ITPK1: variants seen among roughly 807,000 people sequenced by gnomAD.
ITPK1 encodes the protein inositol-tetrakisphosphate 1-kinase, also known as inositol 1,3,4-trisphosphate 5/6-kinase.
A neutral mutation model predicts 45.3 loss-of-function variants in ITPK1; 21 were observed. The ratio of observed to expected loss-of-function variants is 0.46; its 90% confidence interval spans 0.33 to 0.67. The LOEUF is 0.67. ITPK1 is among the 30% of genes least tolerant of loss of function. The pLI is 0.02. For missense variants in ITPK1, 474 were observed against 573.5 expected (o/e 0.83, Z 1.77); for synonymous variants, 258 against 253.6 (o/e 1.02, Z -0.16).
At chr14:93,030,606 C>G (rs576750435) in intron 3 of ITPK1, among the ~76,000 whole-genome samples, 1 of 152,070 alleles carries the variant, frequency 6.6e-6, no homozygotes, top group Non-Finnish European at 1.5e-5. Context: ...AACAAACAAG[C>G]AAAGGAAGCG....
chr14:93,093,215 C>T (rs1470200623), intron 2 of ITPK1, among the ~76,000 whole-genome samples: 1 of 152,210 alleles, frequency 6.6e-6, no homozygotes, highest in Non-Finnish European at 1.5e-5. Context: ...CCTACATGGA[C>T]ACGGCAGAAA....
chr14:92,994,053 C>T, intron 4 of ITPK1, 56 bp from the exon 5 acceptor site: 1 of 1,126,868 alleles, frequency 8.9e-7, no homozygotes, highest in South Asian at 1.2e-5. Context: ...GGTAGCAACT[C>T]ACCCCTCGCG....
At chr14:93,080,958 AC>A (rs1189220648) in intron 2 of ITPK1, among the ~76,000 whole-genome samples, 2 of 149,746 alleles carry the variant, frequency 1.3e-5, no homozygotes, top group African/African-American at 4.9e-5. Flanking sequence ...CTGGTCTTGA[AC>A]TCCTGACCTC....
chr14:93,075,573 A>T (rs1360177136), intron 3 of ITPK1, among the ~76,000 whole-genome samples: 1 of 152,122 alleles, frequency 6.6e-6, no homozygotes. Flanking sequence ...AACCAGCCCC[A>T]GTCTGGTCCC....
intron 10 of ITPK1, among the ~76,000 whole-genome samples, chr14:92,944,435 C>G (rs1887582715): frequency 6.6e-6 from 1 of 152,120 alleles, no homozygotes; most frequent in Non-Finnish European, 1.5e-5. Context: ...AAGAACCCTC[C>G]CTGTCCACAC....
chr14:92,949,881 A>C (rs1253006621), intron 9 of ITPK1, among the ~76,000 whole-genome samples: 5 of 152,186 alleles, frequency 3.3e-5, no homozygotes, highest in African/African-American at 1.2e-4. Flanking sequence ...TCTGGAAAGC[A>C]AGGAGGTGAC....
chr14:93,089,457 C>G (rs994280055), intron 2 of ITPK1, among the ~76,000 whole-genome samples: 11 of 152,134 alleles, frequency 7.2e-5, no homozygotes, highest in Admixed American at 7.2e-4. Flanking sequence ...CATAGGAAGG[C>G]AGTCAAGAGG....
chr14:93,100,397 A>C (rs1185770554), intron 2 of ITPK1, among the ~76,000 whole-genome samples: 4 of 152,172 alleles, frequency 2.6e-5, no homozygotes, highest in Non-Finnish European at 4.4e-5. Context: ...AAATGAGATC[A>C]CACACCTAAG....
chr14:93,064,019 C>T (rs916086165), intron 3 of ITPK1, among the ~76,000 whole-genome samples: 28 of 149,772 alleles, frequency 1.9e-4, no homozygotes, highest in Non-Finnish European at 5.9e-5. Flanking sequence ...CATGGTGGCT[C>T]ACACCTGTAA....
At chr14:93,108,630 C>G (rs1892617365) in intron 2 of ITPK1, among the ~76,000 whole-genome samples, 1 of 152,270 alleles carries the variant, frequency 6.6e-6, no homozygotes, top group South Asian at 2.1e-4. Flanking sequence ...TGTCCCGGCC[C>G]TGAGCGCAGG....
chr14:92,950,932 G>A (rs754942965), intron 9 of ITPK1, among the ~76,000 whole-genome samples: 6 of 152,258 alleles, frequency 3.9e-5, no homozygotes, highest in African/African-American at 4.8e-5. Context: ...TCCTGCCCAC[G>A]CCTGTGCTCT....
intron 3 of ITPK1, among the ~76,000 whole-genome samples, chr14:93,042,583 A>C (rs1040727784): frequency 6.6e-6 from 1 of 152,210 alleles, no homozygotes; most frequent in African/African-American, 2.4e-5. Context: ...CAAAGATCCA[A>C]AACTCAGGCC....
intron 5 of ITPK1, among the ~76,000 whole-genome samples, chr14:92,964,754 C>G (rs577032859): frequency 1.3e-5 from 2 of 152,186 alleles, no homozygotes; most frequent in Non-Finnish European, 2.9e-5. Context: ...TGTGGCCCCC[C>G]GGAGTTTTTA....
intron 8 of ITPK1, among the ~76,000 whole-genome samples, chr14:92,957,914 TC>T (rs1466661285): frequency 6.6e-6 from 1 of 152,000 alleles, no homozygotes; most frequent in Non-Finnish European, 1.5e-5. Flanking sequence ...ATTGTGTGGG[TC>T]CCCCAGAAGC....
At chr14:93,030,720 C>G (rs1888999752) in intron 3 of ITPK1, among the ~76,000 whole-genome samples, 1 of 152,024 alleles carries the variant, frequency 6.6e-6, no homozygotes. Flanking sequence ...AAACTGTGTC[C>G]CCAAAAAACG....
rs1887219369 is a variant in ITPK1, at chr14:92,938,657, CA to C, written c.*2903del. 3 of 737,454 alleles carry C rather than the reference CA, an allele frequency of 4.1e-6. No homozygotes were observed. Among genetic ancestry groups the C allele is most frequent in the Non-Finnish European group, 7.1e-6 (3 of 420,380 alleles). The allele number at this position is 737,454 out of a possible 1,614,324, so 45.7% of individuals were successfully genotyped here. A position where few individuals can be genotyped will look rare whatever the true frequency, so the allele number is the denominator to read the frequency against. On this transcript the variant is annotated 3_prime_UTR_variant, in exon 11 of 11. Coordinates refer to ENST00000267615, the MANE Select transcript of ITPK1 (RefSeq NM_014216.6). ...TGCAGCTGGGTCCAATCCCGCCGGC[CA>C]TGCTGGGTGACTGCAGGCCCAGCCC...
At chr14:93,064,545 C>A (rs952190397) in intron 3 of ITPK1, among the ~76,000 whole-genome samples, 2 of 152,102 alleles carry the variant, frequency 1.3e-5, no homozygotes, top group African/African-American at 4.8e-5. Flanking sequence ...CCACCCCAGG[C>A]GGCTTCTGTA....
intron 5 of ITPK1, among the ~76,000 whole-genome samples, chr14:92,979,836 C>CA (rs1324938716): frequency 6.7e-6 from 1 of 150,348 alleles, no homozygotes; most frequent in Non-Finnish European, 1.5e-5. Flanking sequence ...TTTTTGGAGA[C>CA]AGAGTCTCAC....
At chr14:93,082,126 G>C (rs1181401097) in intron 2 of ITPK1, among the ~76,000 whole-genome samples, 1 of 151,966 alleles carries the variant, frequency 6.6e-6, no homozygotes, top group East Asian at 1.9e-4. Context: ...GCTAGGGGAG[G>C]ACATAGCAGG....
Sources: gnomAD v4.1 joint callset for allele counts (sites outside exome capture counted in the v4.1 genomes callset) on GRCh38, gnomAD v4.1.1 for gene constraint, MANE v1.5 for transcripts, NCBI Gene and HGNC (gene_info 2026-07-23, HGNC 2026-07-21) for gene names.